SGCZ: variants seen among roughly 807,000 people sequenced by gnomAD.
SGCZ encodes the protein sarcoglycan zeta, also known as zeta-sarcoglycan.
SGCZ carries 40 observed loss-of-function variants against 41.3 expected under a neutral mutation model. The observed-to-expected ratio is 0.97, with a 90% CI of 0.75 to 1.26. SGCZ has a LOEUF of 1.26. Ranked by LOEUF, SGCZ falls within the 50% of genes most tolerant of loss-of-function variation. The probability of loss-of-function intolerance (pLI) is 0.00; values close to 1 mark genes in which losing one functional copy is unlikely to be tolerated. For synonymous variants in SGCZ, 206 were observed against 137.5 expected (o/e 1.50, Z -3.49); for missense variants, 552 against 369.8 (o/e 1.49, Z -4.04).
At chr8:15,173,593 T>C (rs1303546394) in intron 1 of SGCZ, among the ~76,000 whole-genome samples, 1 of 152,174 alleles carries the variant, frequency 6.6e-6, no homozygotes, top group Non-Finnish European at 1.5e-5. Flanking sequence ...TTAAGATGCA[T>C]TTTTAAAAGC....
chr8:14,105,527 G>C (rs1802177870), intron 6 of SGCZ, among the ~76,000 whole-genome samples: 1 of 152,050 alleles, frequency 6.6e-6, no homozygotes, highest in Non-Finnish European at 1.5e-5. Context: ...AGCAAGGCTT[G>C]TAAAGTTTTT....
chr8:14,990,470 A>AT (rs1801972584), intron 1 of SGCZ, among the ~76,000 whole-genome samples: 1 of 152,046 alleles, frequency 6.6e-6, no homozygotes, highest in Non-Finnish European at 1.5e-5. Flanking sequence ...CTGTCCCATC[A>AT]ACCACAGCAT....
chr8:14,532,684 C>G (rs944611078), intron 2 of SGCZ, among the ~76,000 whole-genome samples: 1 of 119,576 alleles, frequency 8.4e-6, no homozygotes, highest in Non-Finnish European at 1.6e-5. Context: ...GTCTAGTATG[C>G]CTTACAGTGA....
intron 3 of SGCZ, among the ~76,000 whole-genome samples, chr8:14,290,669 T>A (rs563841661): frequency 6.6e-6 from 1 of 152,080 alleles, no homozygotes; most frequent in East Asian, 1.9e-4. Flanking sequence ...GGCTAGTATA[T>A]AAAAATTAAA....
intron 1 of SGCZ, among the ~76,000 whole-genome samples, chr8:14,886,384 T>G (rs185127283): frequency 1.3e-5 from 2 of 151,160 alleles, no homozygotes; most frequent in South Asian, 2.1e-4. Context: ...TAGACAGAGG[T>G]GAAAGCTAAG....
intron 1 of SGCZ, among the ~76,000 whole-genome samples, chr8:15,187,791 A>G (rs1056048238): frequency 2.6e-5 from 4 of 152,014 alleles, no homozygotes; most frequent in Non-Finnish European, 4.4e-5. Context: ...ACTATTATAA[A>G]GGATTTTTTT....
intron 5 of SGCZ, among the ~76,000 whole-genome samples, chr8:14,128,968 C>A (rs1239030430): frequency 6.6e-6 from 1 of 152,062 alleles, no homozygotes; most frequent in Non-Finnish European, 1.5e-5. Context: ...GAAATCCTAC[C>A]TATTTGGTAC....
intron 2 of SGCZ, among the ~76,000 whole-genome samples, chr8:14,512,383 T>C (rs766109568): frequency 1.3e-5 from 2 of 152,182 alleles, no homozygotes; most frequent in African/African-American, 2.4e-5. Flanking sequence ...CCTTAGTTTA[T>C]TTTCCATTGG....
chr8:14,862,423 A>G (rs974129924), intron 1 of SGCZ, among the ~76,000 whole-genome samples: 2 of 151,632 alleles, frequency 1.3e-5, no homozygotes, highest in East Asian at 3.9e-4. Flanking sequence ...TAGTCACCAT[A>G]TGCATGGTAT....
At chr8:14,605,375 T>C (rs542875604) in intron 1 of SGCZ, among the ~76,000 whole-genome samples, 56 of 152,292 alleles carry the variant, frequency 3.7e-4, no homozygotes, top group African/African-American at 1.3e-3. Context: ...TGGGTATCTA[T>C]CATCTCAAGC....
chr8:14,386,045 GT>G (rs769834458), intron 2 of SGCZ, among the ~76,000 whole-genome samples: 12 of 151,912 alleles, frequency 7.9e-5, no homozygotes, highest in Non-Finnish European at 1.6e-4. Context: ...ATTGTTTATT[GT>G]GGGGTTTTGT....
intron 1 of SGCZ, among the ~76,000 whole-genome samples, chr8:14,981,261 T>A (rs1671185469): frequency 1.3e-5 from 2 of 152,184 alleles, no homozygotes; most frequent in Admixed American, 1.3e-4. Flanking sequence ...TTAAAGTAAA[T>A]CAGTTACATA....
At chr8:14,777,155 C>A (rs1468311078) in intron 1 of SGCZ, among the ~76,000 whole-genome samples, 1 of 152,164 alleles carries the variant, frequency 6.6e-6, no homozygotes, top group Admixed American at 6.5e-5. Flanking sequence ...GCATTTGAAA[C>A]ATGGACGTTT....
Position 14,724,972 on chromosome 8 carries a change from C to A in SGCZ, c.40-170046G>T, listed in dbSNP as rs1585211298. ...TGTAACTGTACTTTTGTACCATTAACCCCCACCAACACCACTTTATCCCAT... is the reference window on the plus strand; with the variant it reads ...TGTAACTGTACTTTTGTACCATTAAACCCCACCAACACCACTTTATCCCAT... On this transcript the variant is annotated intron_variant, in intron 1 of 7. Coordinates refer to ENST00000382080, the MANE Select transcript of SGCZ (RefSeq NM_139167.4). Among the ~76,000 whole-genome samples the A allele has an allele frequency of 3.3e-5, 5 of 152,056 alleles. 1 individual carries two copies. The South Asian group carries it at 8.3e-4, about 25-fold the overall frequency.
At chr8:15,215,098 T>C (rs370335823) in intron 1 of SGCZ, among the ~76,000 whole-genome samples, 4 of 152,188 alleles carry the variant, frequency 2.6e-5, no homozygotes, top group African/African-American at 9.6e-5. Context: ...GTAATGATCA[T>C]GTAGATTACT....
At chr8:14,702,813 G>GTAGATAGATAGA (rs71209077) in intron 1 of SGCZ, among the ~76,000 whole-genome samples, 4 of 115,330 alleles carry the variant, frequency 3.5e-5, no homozygotes, top group Non-Finnish European at 5.6e-5. Flanking sequence ...AGGTAGTTAG[G>GTAGATAGATAGA]TAGATAGATA....
chr8:15,068,870 A>C (rs987220681), intron 1 of SGCZ, among the ~76,000 whole-genome samples: 1 of 152,214 alleles, frequency 6.6e-6, no homozygotes, highest in Admixed American at 6.5e-5. Flanking sequence ...GATTTATTTG[A>C]GTCCAACATT....
At chr8:14,853,255 T>A (rs971567132) in intron 1 of SGCZ, among the ~76,000 whole-genome samples, 6 of 152,164 alleles carry the variant, frequency 3.9e-5, no homozygotes, top group African/African-American at 1.4e-4. Context: ...ATGATCAAAA[T>A]GCTCATGTGA....
chr8:15,014,420 T>G (rs2130931548), intron 1 of SGCZ, among the ~76,000 whole-genome samples: 1 of 152,344 alleles, frequency 6.6e-6, no homozygotes, highest in East Asian at 1.9e-4. Flanking sequence ...ATTTTGCGTG[T>G]GTCTTTGTAA....
Sources: gnomAD v4.1 joint callset for allele counts (sites outside exome capture counted in the v4.1 genomes callset) on GRCh38, gnomAD v4.1.1 for gene constraint, MANE v1.5 for transcripts, NCBI Gene and HGNC (gene_info 2026-07-23, HGNC 2026-07-21) for gene names.